Variants in LHFPL3 observed in about 807,000 individuals in gnomAD.
LHFPL3 encodes the protein LHFPL tetraspan subfamily member 3 protein.
In LHFPL3, 5 loss-of-function variants were observed where a neutral mutation model predicts 19.3. That is an observed-to-expected ratio of 0.26 (90% CI 0.14 to 0.54). The LOEUF is 0.54. LHFPL3 is among the 20% of genes least tolerant of loss of function. LHFPL3 has a pLI of 0.94. For synonymous variants in LHFPL3, 133 were observed against 126.2 expected, an observed-to-expected ratio of 1.05 and a Z score of -0.36; for missense variants, 249 against 307.4, an observed-to-expected ratio of 0.81 and a Z score of 1.42.
chr7:104,460,381 G>T (rs1251418702), intron 1 of LHFPL3, among the ~76,000 whole-genome samples: 1 of 152,128 alleles, frequency 6.6e-6, no homozygotes, highest in South Asian at 2.1e-4. Flanking sequence ...AGGGATTGCT[G>T]GGTCAAGTAG....
chr7:104,332,090 G>A (rs1801576468), intron 1 of LHFPL3, among the ~76,000 whole-genome samples: 1 of 151,938 alleles, frequency 6.6e-6, no homozygotes. Flanking sequence ...AGACCTTAGT[G>A]TACTATTTGC....
chr7:104,347,337 C>T (rs7794181), intron 1 of LHFPL3, among the ~76,000 whole-genome samples: 45,023 of 151,986 alleles, frequency 0.3, 6,901 homozygotes, highest in East Asian at 0.41. Context: ...CCTTTCCATA[C>T]TAGGCCTTTC....
chr7:104,332,218 C>CTTTTTTTTTTTTTTTTTT lies in LHFPL3; in HGVS notation c.445+2998_445+2999insTTTTTTTTTTTTTTTTTT, dbSNP rs1562866567. On this transcript the variant is annotated intron_variant, in intron 1 of 2. Transcript: ENST00000424859. Reference sequence around the variant, plus strand: ...TCAGGTAGAATATAAAATCCTATTTCTTTTCTTTTTTTTTTTTTTTTTTTT... The same window carrying CTTTTTTTTTTTTTTTTTT: ...TCAGGTAGAATATAAAATCCTATTTCTTTTTTTTTTTTTTTTTTTTTTCTTTTTTTTTTTTTTTTTTTT... Among the ~76,000 whole-genome samples, 2 of 95,894 alleles carry CTTTTTTTTTTTTTTTTTT rather than the reference C, an allele frequency of 2.1e-5. 1 individual carries two copies. The allele number at this position is 95,894 out of a possible 152,430, so 62.9% of individuals were successfully genotyped here.
intron 1 of LHFPL3, among the ~76,000 whole-genome samples, chr7:104,375,550 TTGA>T (rs753389118): frequency 2.6e-5 from 4 of 152,164 alleles, no homozygotes; most frequent in Non-Finnish European, 4.4e-5. Context: ...AAAACTGGAC[TTGA>T]TGAAAAGTAA....
At chr7:104,808,084 C>A (rs938700301) in intron 2 of LHFPL3, among the ~76,000 whole-genome samples, 3 of 152,142 alleles carry the variant, frequency 2.0e-5, no homozygotes, top group Non-Finnish European at 4.4e-5. Flanking sequence ...ATTTAAGTAA[C>A]AGTATTTGAC....
intron 2 of LHFPL3, among the ~76,000 whole-genome samples, chr7:104,833,960 C>G (rs1322345756): frequency 7.1e-6 from 1 of 141,622 alleles, no homozygotes; most frequent in African/African-American, 2.7e-5. Flanking sequence ...TGTCTGCAAG[C>G]TTGAGGAGTA....
chr7:104,482,142 G>A (rs961952675), intron 1 of LHFPL3, among the ~76,000 whole-genome samples: 9 of 152,278 alleles, frequency 5.9e-5, no homozygotes, highest in African/African-American at 1.4e-4. Context: ...AAATAACTCT[G>A]TAGTGCCTGC....
intron 1 of LHFPL3, among the ~76,000 whole-genome samples, chr7:104,566,148 C>A (rs1410702543): frequency 6.6e-6 from 1 of 152,060 alleles, no homozygotes; most frequent in Non-Finnish European, 1.5e-5. Flanking sequence ...GACTTTGAGA[C>A]CAGTCTGGGC....
At chr7:104,581,642 T>A (rs1040785133) in intron 1 of LHFPL3, among the ~76,000 whole-genome samples, 1 of 152,068 alleles carries the variant, frequency 6.6e-6, no homozygotes, top group Non-Finnish European at 1.5e-5. Flanking sequence ...CTTTTACATG[T>A]GAATCTATAA....
intron 1 of LHFPL3, among the ~76,000 whole-genome samples, chr7:104,533,147 A>T (rs543333390): frequency 2.0e-5 from 3 of 152,204 alleles, no homozygotes; most frequent in Non-Finnish European, 2.9e-5. Context: ...GTAGAGAACT[A>T]TGTTTACAAA....
At chr7:104,868,335 G>A (rs1791769229) in intron 2 of LHFPL3, among the ~76,000 whole-genome samples, 1 of 152,146 alleles carries the variant, frequency 6.6e-6, no homozygotes, top group Non-Finnish European at 1.5e-5. Context: ...AAACCCCATT[G>A]TCTCAGCCCA....
intron 2 of LHFPL3, among the ~76,000 whole-genome samples, chr7:104,852,972 C>T (rs1791439830): frequency 6.6e-6 from 1 of 152,176 alleles, no homozygotes; most frequent in Non-Finnish European, 1.5e-5. Context: ...GTAACCACTG[C>T]CACCGTCTGC....
At chr7:104,339,746 C>T (rs1422112602) in intron 1 of LHFPL3, among the ~76,000 whole-genome samples, 1 of 152,212 alleles carries the variant, frequency 6.6e-6, no homozygotes, top group African/African-American at 2.4e-5. Flanking sequence ...ATGTAGCCGT[C>T]ATACCATCCT....
chr7:104,633,468 T>C (rs892754000), intron 1 of LHFPL3, among the ~76,000 whole-genome samples: 7 of 152,198 alleles, frequency 4.6e-5, no homozygotes, highest in Admixed American at 6.6e-5. Flanking sequence ...GGATGATGAC[T>C]CTAAGGATTC....
chr7:104,903,629 C>T (rs2116734759), intron 2 of LHFPL3, among the ~76,000 whole-genome samples: 1 of 152,164 alleles, frequency 6.6e-6, no homozygotes, highest in Non-Finnish European at 1.5e-5. Flanking sequence ...CCATGCCTAG[C>T]TAATTTTTGT....
At chr7:104,660,823 G>A (rs1792212533) in intron 1 of LHFPL3, among the ~76,000 whole-genome samples, 1 of 152,310 alleles carries the variant, frequency 6.6e-6, no homozygotes, top group African/African-American at 2.4e-5. Context: ...CAGAAGTCAA[G>A]TGGTTTTCTC....
chr7:104,547,852 A>T (rs543866980), intron 1 of LHFPL3, among the ~76,000 whole-genome samples: 1 of 152,314 alleles, frequency 6.6e-6, no homozygotes, highest in South Asian at 2.1e-4. Flanking sequence ...TTTACATCAA[A>T]TGTGTCTAGT....
chr7:104,479,533 A>G (rs1025500952), intron 1 of LHFPL3, among the ~76,000 whole-genome samples: 2 of 152,094 alleles, frequency 1.3e-5, no homozygotes, highest in African/African-American at 4.8e-5. Context: ...CTGGGATTAC[A>G]GGTGCCCACC....
chr7:104,420,450 G>A lies in LHFPL3; in HGVS notation c.445+91226G>A, dbSNP rs141441471. ...AAGAGGAGCTTTGAGAAAGAGAGGT[G>A]GTTCTAAGTATTAAATTCTGTATAA... On this transcript the variant is annotated intron_variant, in intron 1 of 2. Transcript: ENST00000424859. Among the ~76,000 whole-genome samples the A allele has an allele frequency of 3.1e-3, 479 of 152,130 alleles. 3 individuals carry two copies. The highest frequency in any genetic ancestry group is 0.011 in the African/African-American group (450 of 41,510).
Sources: gnomAD v4.1 joint callset for allele counts (sites outside exome capture counted in the v4.1 genomes callset) on GRCh38, gnomAD v4.1.1 for gene constraint, MANE v1.5 for transcripts, NCBI Gene and HGNC (gene_info 2026-07-23, HGNC 2026-07-21) for gene names.